Variants in LYPD6B observed in about 807,000 individuals in gnomAD.
LYPD6B encodes ly6/PLAUR domain-containing protein 6B.
LYPD6B carries 17 observed loss-of-function variants against 22.8 expected under a neutral mutation model. The observed-to-expected ratio is 0.75, with a 90% CI of 0.51 to 1.12. The LOEUF is 1.12. LYPD6B is among the 50% of genes most tolerant of loss of function. The pLI, the probability that LYPD6B is intolerant of heterozygous loss-of-function variation, is 0.00. For missense variants in LYPD6B, 221 were observed against 258.3 expected, an observed-to-expected ratio of 0.86 and a Z score of 0.99; for synonymous variants, 106 against 91.6, an observed-to-expected ratio of 1.16 and a Z score of -0.90.
intron 1 of LYPD6B, among the ~76,000 whole-genome samples, chr2:149,107,020 G>A (rs35192692): frequency 0.37 from 55,540 of 151,854 alleles, 10,535 homozygotes; most frequent in Non-Finnish European, 0.39. Context: ...TTATACATAC[G>A]CACCTATGAT....
At chr2:149,206,118 A>G in intron 4 of LYPD6B, 1 of 405,996 alleles carries the variant, frequency 2.5e-6, no homozygotes, top group Middle Eastern at 4.2e-4. Context: ...CACGCCTGGA[A>G]GAGTATCAGA....
At chr2:149,067,559 CTT>C (rs968620061) in intron 1 of LYPD6B, among the ~76,000 whole-genome samples, 50 of 138,726 alleles carry the variant, frequency 3.6e-4, no homozygotes, top group African/African-American at 1.1e-3. Context: ...TTTTTTAAAA[CTT>C]TGTTTTTTTT....
At chr2:149,169,480 T>G (rs1690673921) in intron 3 of LYPD6B, among the ~76,000 whole-genome samples, 1 of 152,224 alleles carries the variant, frequency 6.6e-6, no homozygotes, top group Non-Finnish European at 1.5e-5. Flanking sequence ...GCTTTTACTG[T>G]TCCTTGTCAA....
At chr2:149,078,519 A>G (rs975181690) in intron 1 of LYPD6B, among the ~76,000 whole-genome samples, 5 of 152,170 alleles carry the variant, frequency 3.3e-5, no homozygotes, top group African/African-American at 1.2e-4. Flanking sequence ...GCCACATAAC[A>G]CAAGGGGAAA....
At chr2:149,196,051 A>G (rs1692787661) in intron 3 of LYPD6B, among the ~76,000 whole-genome samples, 1 of 152,154 alleles carries the variant, frequency 6.6e-6, no homozygotes, top group Non-Finnish European at 1.5e-5. Context: ...TGAACCATTT[A>G]ATGTAGTTTT....
intron 1 of LYPD6B, among the ~76,000 whole-genome samples, chr2:149,097,776 A>C (rs1458719418): frequency 4.6e-5 from 7 of 152,230 alleles, no homozygotes; most frequent in Non-Finnish European, 7.3e-5. Flanking sequence ...TCTTAAATAC[A>C]TTCAATTGCT....
chr2:149,060,900 G>A (rs371442458), intron 1 of LYPD6B, among the ~76,000 whole-genome samples: 16 of 152,126 alleles, frequency 1.1e-4, no homozygotes, highest in African/African-American at 3.6e-4. Context: ...TCCATGAGGG[G>A]CACTCGACAC....
At chr2:149,048,224 T>C (rs1183029420) in intron 1 of LYPD6B, among the ~76,000 whole-genome samples, 3 of 152,230 alleles carry the variant, frequency 2.0e-5, no homozygotes, top group Admixed American at 6.5e-5. Flanking sequence ...ACATTAGATA[T>C]GGAGATAGGC....
intron 1 of LYPD6B, among the ~76,000 whole-genome samples, chr2:149,091,964 G>T (rs562408095): frequency 2.7e-3 from 401 of 149,564 alleles, no homozygotes; most frequent in Middle Eastern, 6.8e-3. Context: ...TGGGCTGCTG[G>T]TGATAGTTCT....
chr2:149,136,614 G>T (rs1029085222), intron 2 of LYPD6B, among the ~76,000 whole-genome samples: 4 of 152,154 alleles, frequency 2.6e-5, no homozygotes, highest in African/African-American at 9.7e-5. Flanking sequence ...TGTGATTTAA[G>T]GAAAAACACC....
intron 3 of LYPD6B, among the ~76,000 whole-genome samples, chr2:149,203,154 G>T (rs1212658591): frequency 1.3e-5 from 2 of 152,176 alleles, no homozygotes; most frequent in Non-Finnish European, 2.9e-5. Context: ...AAACTATGAG[G>T]TAAGTACTAT....
chr2:149,041,077 C>T (rs1278673220), intron 1 of LYPD6B, among the ~76,000 whole-genome samples: 1 of 134,674 alleles, frequency 7.4e-6, no homozygotes, highest in Non-Finnish European at 1.5e-5. Flanking sequence ...CCAGCCTGGG[C>T]AGCAGAGCAA....
chr2:149,091,968 T>C (rs1426504331), intron 1 of LYPD6B, among the ~76,000 whole-genome samples: 1 of 151,894 alleles, frequency 6.6e-6, no homozygotes, highest in Non-Finnish European at 1.5e-5. Flanking sequence ...CTGCTGGTGA[T>C]AGTTCTTGTG....
chr2:149,109,644 CA>C (rs1488594535), intron 1 of LYPD6B, among the ~76,000 whole-genome samples: 4 of 152,166 alleles, frequency 2.6e-5, no homozygotes, highest in Admixed American at 6.6e-5. Flanking sequence ...ATTCCAATTA[CA>C]TGTAGTATTT....
intron 2 of LYPD6B, among the ~76,000 whole-genome samples, chr2:149,138,390 A>T (rs1006602209): frequency 6.6e-5 from 10 of 152,204 alleles, no homozygotes; most frequent in African/African-American, 2.2e-4. Flanking sequence ...GTTGGCTGTT[A>T]AAGATGTAGA....
chr2:149,095,164 C>T (rs533113775), intron 1 of LYPD6B, among the ~76,000 whole-genome samples: 45 of 152,214 alleles, frequency 3.0e-4, no homozygotes, highest in African/African-American at 1.1e-3. Flanking sequence ...GGGATGGTGG[C>T]AGGTGCCTGT....
At chr2:149,132,816 C>A (rs12618026) in intron 2 of LYPD6B, among the ~76,000 whole-genome samples, 1 of 152,174 alleles carries the variant, frequency 6.6e-6, no homozygotes, top group Non-Finnish European at 1.5e-5. Flanking sequence ...ACACAGAATT[C>A]TGAGACTTAG....
rs184135515 is a variant in LYPD6B, at chr2:149,190,275, C to T, written c.78-14978C>T. Among the ~76,000 whole-genome samples, 17 of 152,124 alleles carry T rather than the reference C, an allele frequency of 1.1e-4. No individual in the cohort carries two copies. The East Asian group carries it at 2.1e-3, about 19-fold the overall frequency. On this transcript the variant is annotated intron_variant, in intron 3 of 6. Coordinates refer to ENST00000409642, the MANE Select transcript of LYPD6B (RefSeq NM_177964.5). The stretch of plus-strand genomic sequence containing the variant: ...AATAGGTAATGTGTGTGTGTGTGCA[C>T]GCACGTGCGTGTGTGTGTCTCTGTG...
chr2:149,132,174 C>T (rs561486997), intron 2 of LYPD6B, among the ~76,000 whole-genome samples: 8 of 151,300 alleles, frequency 5.3e-5, no homozygotes, highest in Non-Finnish European at 8.8e-5. Flanking sequence ...AAAGAAGAGC[C>T]GTGCCTAGAA....
Sources: gnomAD v4.1 joint callset for allele counts (sites outside exome capture counted in the v4.1 genomes callset) on GRCh38, gnomAD v4.1.1 for gene constraint, MANE v1.5 for transcripts, NCBI Gene and HGNC (gene_info 2026-07-23, HGNC 2026-07-21) for gene names.